The following MACF1 variants were observed in gnomAD, a reference collection of about 807,000 sequenced individuals.
The protein encoded by MACF1 is microtubule-actin cross-linking factor 1.
In MACF1, 193 loss-of-function variants were observed where a neutral mutation model predicts 854.8. The ratio of observed to expected loss-of-function variants is 0.23; its 90% CI spans 0.20 to 0.25. The LOEUF is 0.25. Ranked by LOEUF, MACF1 falls within the 10% of genes least tolerant of loss-of-function variation. The probability of loss-of-function intolerance (pLI) is 1.00; values close to 1 mark genes in which losing one functional copy is unlikely to be tolerated. For synonymous variants in MACF1, 3,185 were observed against 3,226.7 expected (o/e 0.99, Z 0.44); for missense variants, 7,722 against 8,929.1 (o/e 0.86, Z 5.45).
chr1:39,321,853 G>A (rs1646521442), intron 31 of MACF1, among the ~76,000 whole-genome samples: 1 of 152,186 alleles, frequency 6.6e-6, no homozygotes, highest in Non-Finnish European at 1.5e-5. Context: ...ATCATTGAAA[G>A]CTTTTTAAGG....
intron 70 of MACF1, chr1:39,437,546 A>G (rs182468052): frequency 3.2e-5 from 15 of 462,952 alleles, no homozygotes; most frequent in Admixed American, 3.2e-4. Flanking sequence ...TCCTGACCTC[A>G]GGTGATCCAC....
chr1:39,469,540 A>G lies in MACF1; in HGVS notation c.21890-7A>G. On this transcript the variant is annotated splice_region_variant and splice_polypyrimidine_tract_variant and intron_variant, in intron 96 of 100. Transcript: ENST00000564288. Reference sequence around the variant, plus strand: ...GTTTCTTTCTGTTTACGTATTTTTTATTCTAGTTCACCATCCTGGGAGTAA... The same window carrying G: ...GTTTCTTTCTGTTTACGTATTTTTTGTTCTAGTTCACCATCCTGGGAGTAA... 1 of 1,546,532 alleles carries G rather than the reference A, an allele frequency of 6.5e-7. No homozygotes were observed.
In MACF1 at chr1:39,383,872, G is replaced by A. The variant is rs558226649; in HGVS notation, c.13849-1562G>A. On this transcript the variant is annotated intron_variant, in intron 56 of 100. Coordinates refer to ENST00000564288, the MANE Select transcript of MACF1 (RefSeq NM_001394062.1). ...AGCCTGGGCAACAGAGCGAGAATCC[G>A]TCTCAAAAAAAAAAAAGTGGCATTG... 1.2e-3 allele frequency among the ~76,000 whole-genome samples: 186 copies of A among 150,246 alleles called. 1 individual carries two copies. The highest frequency in any genetic ancestry group is 4.4e-3 in the African/African-American group (182 of 40,956).
Position 39,422,914 on chromosome 1 carries a change from T to C in MACF1, c.16149+14T>C, listed in dbSNP as rs1643591763. ...CAAGAACAGAAGGTAAGTGAGAATGTTGGGACAGTGAACTGTAACAGCCGT... is the reference window on the plus strand; with the variant it reads ...CAAGAACAGAAGGTAAGTGAGAATGCTGGGACAGTGAACTGTAACAGCCGT... On this transcript the variant is annotated intron_variant, in intron 60 of 100. Transcript: ENST00000564288. 1 of 1,612,226 alleles carries C rather than the reference T, an allele frequency of 6.2e-7. No individual in the cohort carries two copies. The highest frequency in any genetic ancestry group is 1.3e-5 in the African/African-American group (1 of 74,892).
chr1:39,478,349 C>A (rs1447544014), intron 97 of MACF1, among the ~76,000 whole-genome samples: 1 of 152,054 alleles, frequency 6.6e-6, no homozygotes, highest in East Asian at 1.9e-4. Flanking sequence ...AACACTGGAT[C>A]ATGGAAGGAA....
chr1:39,150,642 AC>A (rs1408585587), intron 2 of MACF1, among the ~76,000 whole-genome samples: 4 of 152,000 alleles, frequency 2.6e-5, no homozygotes, highest in African/African-American at 9.7e-5. Context: ...TTAGCTTCCA[AC>A]CCTCTCTGCT....
chr1:39,357,990 A>G, intron 45 of MACF1, 97 bp downstream of exon 45: 1 of 1,234,814 alleles, frequency 8.1e-7, no homozygotes, highest in Non-Finnish European at 1.1e-6. Flanking sequence ...ACTCCAGGAC[A>G]CAGTAGGAGA....
intron 2 of MACF1, among the ~76,000 whole-genome samples, chr1:39,164,502 A>G (rs1298062190): frequency 6.6e-6 from 1 of 152,200 alleles, no homozygotes; most frequent in Non-Finnish European, 1.5e-5. Context: ...CTTAGTCAGC[A>G]GCTCCCATCA....
At chr1:39,177,015 C>G (rs1453014505) in intron 2 of MACF1, among the ~76,000 whole-genome samples, 4 of 152,058 alleles carry the variant, frequency 2.6e-5, no homozygotes, top group Admixed American at 2.0e-4. Context: ...AGTCCGGTTT[C>G]AAAGATATAT....
intron 23 of MACF1, among the ~76,000 whole-genome samples, chr1:39,307,138 G>C (rs964287789): frequency 6.6e-6 from 1 of 152,002 alleles, no homozygotes; most frequent in East Asian, 1.9e-4. Flanking sequence ...GCCTTCCAAA[G>C]TGCTGGGATT....
chr1:39,451,879 T>C (rs1337822533), intron 85 of MACF1, among the ~76,000 whole-genome samples: 1 of 152,140 alleles, frequency 6.6e-6, no homozygotes, highest in Admixed American at 6.5e-5. Context: ...TTCTTTTTTC[T>C]TTTTTTCCCC....
At chr1:39,287,163 G>A in intron 14 of MACF1, 123 bp from the exon 15 acceptor site, 1 of 1,063,888 alleles carries the variant, frequency 9.4e-7, no homozygotes, top group Non-Finnish European at 1.3e-6. Context: ...GTTTCACCAT[G>A]TTGTCTAGGC....
rs1210853135 is a variant in MACF1, at chr1:39,447,672, G to A, written c.19762-20G>A. 6.2e-7 allele frequency: 1 copy of A among 1,613,752 alleles called. No individual in the cohort carries two copies. Among genetic ancestry groups the A allele is most frequent in the Non-Finnish European group, 8.5e-7 (1 of 1,179,842 alleles). On this transcript the variant is annotated intron_variant, in intron 81 of 100. Coordinates refer to ENST00000564288, the MANE Select transcript of MACF1 (RefSeq NM_001394062.1). ...CTTTATCTTATCTTAAGCTAAAAAA[G>A]AGCACTATTGTTCCCTCAGGTTTTT...
At position 39,352,814 on chromosome 1, in the gene MACF1, G is replaced by A. The variant is rs142889793; in HGVS notation, c.11200-193G>A. On this transcript the variant is annotated intron_variant, in intron 43 of 100. Transcript: ENST00000564288. ...TTAAAGCAGTAAGATATAATGAAAT[G>A]TAGAGATATTTTTAATAATTTTTCA... 4.7e-4 allele frequency among the ~76,000 whole-genome samples: 71 copies of A among 150,686 alleles called. 2 individuals carry two copies. The East Asian group carries it at 0.013, about 28-fold the overall frequency.
intron 22 of MACF1, among the ~76,000 whole-genome samples, chr1:39,301,588 G>A (rs1646043329): frequency 6.9e-6 from 1 of 145,378 alleles, no homozygotes; most frequent in Non-Finnish European, 1.5e-5. Context: ...ATCACGCCCA[G>A]CTAATTTTTT....
intron 58 of MACF1, among the ~76,000 whole-genome samples, chr1:39,391,693 A>G (rs1642042440): frequency 6.6e-6 from 1 of 152,240 alleles, no homozygotes; most frequent in Non-Finnish European, 1.5e-5. Flanking sequence ...CTTGGTTTCT[A>G]GAGACATTCT....
intron 1 of MACF1, among the ~76,000 whole-genome samples, chr1:39,208,167 T>C (rs960579415): frequency 2.0e-4 from 5 of 25,064 alleles, no homozygotes; most frequent in Non-Finnish European, 8.4e-4. Context: ...TATAAAAGGG[T>C]TTTTTTTTTT....
intron 97 of MACF1, among the ~76,000 whole-genome samples, chr1:39,477,076 T>TACACACACAC (rs1557675026): frequency 5.8e-5 from 1 of 17,316 alleles, no homozygotes; most frequent in East Asian, 1.5e-3. Flanking sequence ...TATATATATA[T>TACACACACAC]ATATATATAT....
intron 26 of MACF1, among the ~76,000 whole-genome samples, chr1:39,314,567 T>TCACACACACA (rs761098207): frequency 1.3e-3 from 148 of 115,238 alleles, no homozygotes; most frequent in East Asian, 2.3e-3. Context: ...TCTCTCTCTC[T>TCACACACACA]CTCACACACA....
Sources: gnomAD v4.1 joint callset for allele counts (sites outside exome capture counted in the v4.1 genomes callset) on GRCh38, gnomAD v4.1.1 for gene constraint, MANE v1.5 for transcripts, NCBI Gene and HGNC (gene_info 2026-07-23, HGNC 2026-07-21) for gene names.